FTO: variants seen among roughly 807,000 people sequenced by gnomAD.
FTO encodes FTO alpha-ketoglutarate dependent dioxygenase, also known as alpha-ketoglutarate-dependent dioxygenase FTO.
FTO carries 47 observed loss-of-function variants against 63.9 expected under a neutral mutation model. The ratio of observed to expected loss-of-function variants is 0.74; its 90% confidence interval spans 0.58 to 0.94. The LOEUF is 0.94. FTO is among the 40% of genes least tolerant of loss of function. FTO has a pLI of 0.00. For missense variants in FTO, 562 were observed against 618.1 expected (o/e 0.91, Z 0.96); for synonymous variants, 207 against 224.4 (o/e 0.92, Z 0.69).
chr16:53,747,943 C>T (rs2076686706), intron 1 of FTO, among the ~76,000 whole-genome samples: 1 of 152,146 alleles, frequency 6.6e-6, no homozygotes, highest in African/African-American at 2.4e-5. Flanking sequence ...AAAGTATATA[C>T]TTGGCACGTT....
rs1264473963 is a variant in FTO, at chr16:53,934,041, T to C, written c.1296T>C (p.Asn432=). The C allele has an allele frequency of 4.3e-6, 7 of 1,614,008 alleles. No homozygotes were observed. The highest frequency in any genetic ancestry group is 5.9e-6 in the Non-Finnish European group (7 of 1,179,960). Residue 432 remains asparagine (N), a synonymous_variant, in exon 8 of 9, where the codon AAT becomes AAC. Coordinates refer to ENST00000471389, the MANE Select transcript of FTO (RefSeq NM_001080432.3). ...KREGLPVEQR[N]EILTAILASL... ...AGGGGCTCCCCGTGGAACAAAGGAA[T>C]GAAATCTTGACTGCCATCCTTGCCT...
intron 2 of FTO, among the ~76,000 whole-genome samples, chr16:53,816,889 T>C (rs1339485878): frequency 2.0e-5 from 3 of 152,226 alleles, no homozygotes; most frequent in African/African-American, 4.8e-5. Flanking sequence ...TCTTCCATAT[T>C]CTCAGCACCC....
chr16:54,069,083 T>A (rs2085798898), intron 8 of FTO, among the ~76,000 whole-genome samples: 1 of 152,246 alleles, frequency 6.6e-6, no homozygotes, highest in South Asian at 2.1e-4. Flanking sequence ...ATTAAACTGA[T>A]CGCTCCAGTT....
intron 4 of FTO, among the ~76,000 whole-genome samples, chr16:53,872,229 T>A (rs1294382422): frequency 2.6e-5 from 4 of 152,248 alleles, no homozygotes; most frequent in Non-Finnish European, 1.5e-5. Context: ...TGGTTCCACC[T>A]GCTGCATTCT....
At chr16:53,720,948 C>A (rs568466130) in intron 1 of FTO, among the ~76,000 whole-genome samples, 1 of 152,012 alleles carries the variant, frequency 6.6e-6, no homozygotes, top group South Asian at 2.1e-4. Context: ...TGCCACCAAG[C>A]CTGGCTAATT....
At chr16:53,791,800 G>A (rs1040622287) in intron 1 of FTO, among the ~76,000 whole-genome samples, 1 of 152,154 alleles carries the variant, frequency 6.6e-6, no homozygotes, top group East Asian at 1.9e-4. Flanking sequence ...TAGGCCGGGC[G>A]CGGTGGCTCA....
At chr16:53,904,024 A>G (rs1011573313) in intron 7 of FTO, among the ~76,000 whole-genome samples, 4 of 151,772 alleles carry the variant, frequency 2.6e-5, no homozygotes, top group African/African-American at 9.7e-5. Flanking sequence ...ATATAAACAT[A>G]GACAATATAC....
intron 8 of FTO, among the ~76,000 whole-genome samples, chr16:54,105,534 C>T (rs1207804407): frequency 1.3e-5 from 2 of 152,200 alleles, no homozygotes; most frequent in East Asian, 3.9e-4. Flanking sequence ...GCAGCCCTCA[C>T]TCAAACTGGG....
At chr16:54,058,153 G>T (rs2085482267) in intron 8 of FTO, among the ~76,000 whole-genome samples, 1 of 152,002 alleles carries the variant, frequency 6.6e-6, no homozygotes. Flanking sequence ...CTGTCGTCAA[G>T]ACTGGAGTTC....
At chr16:54,039,167 G>A (rs1406950195) in intron 8 of FTO, among the ~76,000 whole-genome samples, 4 of 152,234 alleles carry the variant, frequency 2.6e-5, no homozygotes, top group Non-Finnish European at 5.9e-5. Context: ...TCTGTCAGAT[G>A]TCTTCAAACC....
At chr16:54,066,220 C>T (rs1338150517) in intron 8 of FTO, among the ~76,000 whole-genome samples, 8 of 151,392 alleles carry the variant, frequency 5.3e-5, no homozygotes, top group East Asian at 2.0e-4. Flanking sequence ...TGGGTCCTTA[C>T]GGTAGTCCAT....
chr16:53,906,012 C>T (rs2081528876), intron 7 of FTO, among the ~76,000 whole-genome samples: 1 of 152,122 alleles, frequency 6.6e-6, no homozygotes, highest in African/African-American at 2.4e-5. Context: ...TCTTTTTCAC[C>T]TTCTCTGGAA....
intron 8 of FTO, among the ~76,000 whole-genome samples, chr16:54,004,998 A>G (rs968831050): frequency 1.3e-5 from 2 of 148,164 alleles, no homozygotes; most frequent in Non-Finnish European, 3.0e-5. Context: ...TGAACCTGGG[A>G]GGCAGAGCTC....
intron 1 of FTO, among the ~76,000 whole-genome samples, chr16:53,718,243 A>G (rs545509198): frequency 6.6e-6 from 1 of 152,204 alleles, no homozygotes; most frequent in East Asian, 1.9e-4. Context: ...TTTATGTAAA[A>G]TACGTGGGTA....
At chr16:53,727,187 T>C (rs2076173923) in intron 1 of FTO, among the ~76,000 whole-genome samples, 1 of 152,246 alleles carries the variant, frequency 6.6e-6, no homozygotes, top group Non-Finnish European at 1.5e-5. Context: ...TCAAGTGGTC[T>C]AAGTTTCAAA....
At chr16:53,794,774 C>G (rs761032532) in intron 1 of FTO, among the ~76,000 whole-genome samples, 2 of 152,196 alleles carry the variant, frequency 1.3e-5, no homozygotes, top group Admixed American at 6.5e-5. Flanking sequence ...CACAGGGATC[C>G]TGGTGGAGGC....
chr16:54,088,865 G>A (rs1439242087), intron 8 of FTO, among the ~76,000 whole-genome samples: 1 of 152,156 alleles, frequency 6.6e-6, no homozygotes, highest in Non-Finnish European at 1.5e-5. Flanking sequence ...TACCTTGTTT[G>A]CTAACACCCA....
chr16:53,772,186 G>A (rs933936000), intron 1 of FTO, among the ~76,000 whole-genome samples: 1 of 151,798 alleles, frequency 6.6e-6, no homozygotes, highest in Admixed American at 6.6e-5. Flanking sequence ...TCCCTGAATC[G>A]TTTCTGACCT....
intron 5 of FTO, among the ~76,000 whole-genome samples, chr16:53,876,623 G>C (rs547350833): frequency 8.5e-5 from 13 of 152,276 alleles, no homozygotes; most frequent in African/African-American, 3.1e-4. Context: ...AAATGGCAAA[G>C]GAATCGAATT....
Sources: gnomAD v4.1 joint callset for allele counts (sites outside exome capture counted in the v4.1 genomes callset) on GRCh38, gnomAD v4.1.1 for gene constraint, MANE v1.5 for transcripts, NCBI Gene and HGNC (gene_info 2026-07-23, HGNC 2026-07-21) for gene names.